The following UBASH3B variants were observed in gnomAD, a reference collection of about 807,000 sequenced individuals.
UBASH3B encodes the protein ubiquitin-associated and SH3 domain-containing protein B.
A neutral mutation model predicts 83.4 loss-of-function variants in UBASH3B; 37 were observed. That is an observed-to-expected ratio of 0.44 (90% confidence interval 0.34 to 0.58). The LOEUF is 0.58. Ranked by LOEUF, UBASH3B falls within the 20% of genes least tolerant of loss-of-function variation. The pLI, the probability that UBASH3B is intolerant of heterozygous loss-of-function variation, is 0.01. For missense variants in UBASH3B, 657 were observed against 827.2 expected (o/e 0.79, Z 2.52); for synonymous variants, 304 against 318.3 (o/e 0.96, Z 0.48).
At chr11:122,789,617 A>G (rs1208794159) in intron 6 of UBASH3B, among the ~76,000 whole-genome samples, 1 of 152,136 alleles carries the variant, frequency 6.6e-6, no homozygotes, top group East Asian at 1.9e-4. Context: ...TCACTGCTTT[A>G]GGGCTTCTGT....
intron 1 of UBASH3B, among the ~76,000 whole-genome samples, chr11:122,714,759 G>C (rs1369120825): frequency 6.6e-6 from 1 of 152,208 alleles, no homozygotes; most frequent in Non-Finnish European, 1.5e-5. Context: ...TGGGAAGGCA[G>C]GGTAGGATGG....
At chr11:122,689,802 G>C (rs1310998649) in intron 1 of UBASH3B, among the ~76,000 whole-genome samples, 2 of 152,260 alleles carry the variant, frequency 1.3e-5, no homozygotes, top group East Asian at 3.9e-4. Context: ...TAATTTGCTG[G>C]AGCGGCTCAC....
At chr11:122,682,836 C>G (rs1179523405) in intron 1 of UBASH3B, among the ~76,000 whole-genome samples, 2 of 152,206 alleles carry the variant, frequency 1.3e-5, no homozygotes, top group Non-Finnish European at 2.9e-5. Context: ...TGGAAATTTT[C>G]TAACTTATCC....
At chr11:122,712,058 T>C (rs1275644469) in intron 1 of UBASH3B, among the ~76,000 whole-genome samples, 2 of 151,506 alleles carry the variant, frequency 1.3e-5, no homozygotes, top group African/African-American at 4.9e-5. Context: ...TTTTACTGCA[T>C]TGCTGTTCAT....
intron 13 of UBASH3B, 129 bp from the exon 14 acceptor site, chr11:122,809,620 T>C (rs1280974939): frequency 5.4e-6 from 5 of 930,596 alleles, no homozygotes; most frequent in Non-Finnish European, 8.0e-6. Context: ...GGGAATGCAT[T>C]TCTACAAAGC....
chr11:122,730,397 A>C (rs1039066237), intron 1 of UBASH3B, among the ~76,000 whole-genome samples: 1 of 152,102 alleles, frequency 6.6e-6, no homozygotes, highest in Non-Finnish European at 1.5e-5. Context: ...ACAGTGGCCA[A>C]CGTGAACTCC....
intron 4 of UBASH3B, among the ~76,000 whole-genome samples, 160 bp downstream of exon 4, chr11:122,779,855 C>A (rs1295060476): frequency 3.9e-5 from 6 of 152,148 alleles, no homozygotes; most frequent in Admixed American, 3.9e-4. Flanking sequence ...TCCTGCAGCA[C>A]CCCACGTCTT....
chr11:122,690,928 C>A (rs1184322291), intron 1 of UBASH3B, among the ~76,000 whole-genome samples: 2 of 152,188 alleles, frequency 1.3e-5, no homozygotes, highest in Non-Finnish European at 2.9e-5. Context: ...TGGGCCCGAT[C>A]TTCTCACTTC....
At chr11:122,774,707 C>T (rs570534495) in intron 1 of UBASH3B, among the ~76,000 whole-genome samples, 9 of 152,298 alleles carry the variant, frequency 5.9e-5, no homozygotes, top group South Asian at 2.1e-4. Flanking sequence ...CCTGAATCAA[C>T]GTAGTGTGAA....
intron 1 of UBASH3B, among the ~76,000 whole-genome samples, chr11:122,666,514 G>A (rs1195838193): frequency 6.6e-6 from 1 of 152,130 alleles, no homozygotes; most frequent in Non-Finnish European, 1.5e-5. Flanking sequence ...TGCCTCCCGG[G>A]TTCAAACAAT....
At chr11:122,726,080 G>A (rs1456951199) in intron 1 of UBASH3B, 2 of 152,114 alleles carry the variant, frequency 1.3e-5, no homozygotes, top group Admixed American at 1.3e-4. Flanking sequence ...CAAAATGATA[G>A]GAAGGTTTAC....
intron 1 of UBASH3B, among the ~76,000 whole-genome samples, chr11:122,703,169 G>A (rs556820268): frequency 6.6e-6 from 1 of 152,108 alleles, no homozygotes; most frequent in East Asian, 1.9e-4. Context: ...GCTCATGCCT[G>A]TAAATCCCAG....
intron 1 of UBASH3B, among the ~76,000 whole-genome samples, chr11:122,674,234 C>T (rs981539282): frequency 1.3e-5 from 2 of 152,140 alleles, no homozygotes; most frequent in East Asian, 1.9e-4. Flanking sequence ...GAAAATAACT[C>T]GAGTTGGGGC....
At chr11:122,692,680 G>T (rs1424042592) in intron 1 of UBASH3B, among the ~76,000 whole-genome samples, 3 of 152,208 alleles carry the variant, frequency 2.0e-5, no homozygotes, top group Non-Finnish European at 4.4e-5. Flanking sequence ...GAAAGACAGG[G>T]TTTGTCTCAT....
intron 4 of UBASH3B, among the ~76,000 whole-genome samples, chr11:122,781,722 A>G (rs1565563219): frequency 6.6e-6 from 1 of 152,266 alleles, no homozygotes; most frequent in Non-Finnish European, 1.5e-5. Flanking sequence ...AGTTGTTGGC[A>G]GGACCAGATA....
chr11:122,752,796 G>C (rs1450814885), intron 1 of UBASH3B, among the ~76,000 whole-genome samples: 1 of 152,180 alleles, frequency 6.6e-6, no homozygotes, highest in Non-Finnish European at 1.5e-5. Context: ...TTGAGGGCAA[G>C]GTCAGTAACA....
chr11:122,671,524 G>A (rs766318348), intron 1 of UBASH3B, among the ~76,000 whole-genome samples: 7 of 152,194 alleles, frequency 4.6e-5, no homozygotes, highest in South Asian at 2.1e-4. Context: ...TCCTCCAAAC[G>A]TAAGACCACA....
rs909238384 is a variant in UBASH3B at position 122,759,714 on chromosome 11, G to T, written c.162-16505G>T. Among the ~76,000 whole-genome samples, 1 of 152,198 alleles carries T rather than the reference G, an allele frequency of 6.6e-6. No individual in the cohort carries two copies. Among genetic ancestry groups the T allele is most frequent in the African/African-American group, 2.4e-5 (1 of 41,452 alleles). On this transcript the variant is annotated intron_variant, in intron 1 of 13. Coordinates refer to ENST00000284273, the MANE Select transcript of UBASH3B (RefSeq NM_032873.5). The surrounding 1 kb of genome is among the most constrained non-coding windows in gnomAD (Gnocchi z 4.1). ...CACAGTAGGGTTTGTGCTCCTGTGA[G>T]AATCTAATGCTGCCACTGATCTGAT...
At chr11:122,783,254 A>G (rs764997824) in intron 5 of UBASH3B, 32 bp downstream of exon 5, 1 of 1,603,958 alleles carries the variant, frequency 6.2e-7, no homozygotes, top group African/African-American at 1.3e-5. Context: ...AGAAGCTACC[A>G]GGTGCAGGGA....
Sources: allele counts gnomAD v4.1 joint callset (sites outside exome capture counted in the v4.1 genomes callset), GRCh38; gene constraint gnomAD v4.1.1; non-coding constraint Gnocchi (gnomAD v3.1); transcripts MANE v1.5; gene names NCBI Gene and HGNC (gene_info 2026-07-23, HGNC 2026-07-21).